The following FGF14 variants were observed in gnomAD, a reference collection of about 807,000 sequenced individuals.
The protein encoded by FGF14 is fibroblast growth factor homologous factor 4.
Under a neutral mutation model 25.5 loss-of-function variants are expected in FGF14, and 5 were observed. The observed-to-expected ratio is 0.20, with a 90% CI of 0.10 to 0.41. The LOEUF (loss-of-function observed/expected upper bound fraction) is 0.41. Among genes scored for constraint, FGF14 ranks in the 10% least tolerant of loss-of-function variants. FGF14 has a pLI of 1.00. For synonymous variants in FGF14, 138 were observed against 118.3 expected (o/e 1.17, Z -1.08); for missense variants, 222 against 320.1 (o/e 0.69, Z 2.34).
intron 1 of FGF14, among the ~76,000 whole-genome samples, chr13:101,988,674 G>A (rs546076499): frequency 7.1e-6 from 1 of 141,174 alleles, no homozygotes; most frequent in East Asian, 2.3e-4. Flanking sequence ...CATGGACACA[G>A]GAAGGGGAAC....
chr13:102,334,260 C>T (rs1408092304), intron 1 of FGF14, among the ~76,000 whole-genome samples: 5 of 152,092 alleles, frequency 3.3e-5, no homozygotes, highest in African/African-American at 1.2e-4. Context: ...TTGATTTGAA[C>T]ATCTGTGGTT....
intron 1 of FGF14, among the ~76,000 whole-genome samples, chr13:102,059,687 C>T (rs2042590562): frequency 6.6e-6 from 1 of 151,950 alleles, no homozygotes; most frequent in Non-Finnish European, 1.5e-5. Flanking sequence ...CACGTCTCTA[C>T]TAAAAATGCA....
chr13:101,996,375 A>T (rs1053327117), intron 1 of FGF14, among the ~76,000 whole-genome samples: 1 of 152,110 alleles, frequency 6.6e-6, no homozygotes, highest in Non-Finnish European at 1.5e-5. Context: ...TATTTTTGGA[A>T]TCAGACTCCA....
At chr13:101,954,236 G>A (rs1331238390) in intron 1 of FGF14, among the ~76,000 whole-genome samples, 11 of 148,388 alleles carry the variant, frequency 7.4e-5, no homozygotes, top group South Asian at 2.2e-4. Flanking sequence ...CTGACCAGGC[G>A]TGACCTTGAC....
intron 1 of FGF14, among the ~76,000 whole-genome samples, chr13:102,203,758 A>G (rs543879759): frequency 8.5e-4 from 129 of 152,242 alleles, no homozygotes; most frequent in Non-Finnish European, 1.6e-3. Flanking sequence ...TACAATCTTC[A>G]TTTTTTTCTT....
intron 1 of FGF14, among the ~76,000 whole-genome samples, chr13:102,354,683 G>A (rs1362367408): frequency 2.0e-5 from 3 of 152,142 alleles, no homozygotes; most frequent in Admixed American, 6.5e-5. Context: ...TGTGTCATGG[G>A]TGTGTCTTTA....
chr13:101,750,172 G>T (rs1441734433), intron 3 of FGF14, among the ~76,000 whole-genome samples: 1 of 152,144 alleles, frequency 6.6e-6, no homozygotes, highest in Non-Finnish European at 1.5e-5. Flanking sequence ...ACAGTTTATA[G>T]TATTTTCGTG....
At chr13:102,010,575 C>T (rs1414463038) in intron 1 of FGF14, among the ~76,000 whole-genome samples, 1 of 152,014 alleles carries the variant, frequency 6.6e-6, no homozygotes, top group Non-Finnish European at 1.5e-5. Context: ...GAACACAATC[C>T]TAGGGAAGTG....
At chr13:102,391,862 A>G (rs2058440485) in intron 1 of FGF14, among the ~76,000 whole-genome samples, 1 of 152,248 alleles carries the variant, frequency 6.6e-6, no homozygotes, top group African/African-American at 2.4e-5. Flanking sequence ...TCTTTGCTTA[A>G]AAGTTACAAC....
chr13:101,869,297 A>C (rs889810921), intron 2 of FGF14, among the ~76,000 whole-genome samples: 4 of 152,186 alleles, frequency 2.6e-5, no homozygotes, highest in African/African-American at 9.6e-5. Flanking sequence ...CGGTGGTAGA[A>C]CCAATATGAT....
chr13:102,326,119 A>T (rs1201830839), intron 1 of FGF14, among the ~76,000 whole-genome samples: 1 of 152,232 alleles, frequency 6.6e-6, no homozygotes, highest in East Asian at 1.9e-4. Context: ...CAAATTTTAA[A>T]GCATAACCTC....
chr13:102,054,512 T>C (rs537847077), intron 1 of FGF14, among the ~76,000 whole-genome samples: 7 of 152,310 alleles, frequency 4.6e-5, no homozygotes, highest in African/African-American at 1.7e-4. Flanking sequence ...GTCCGTTTTC[T>C]TAACCTCTTC....
chr13:102,267,294 T>A (rs1418483346), intron 1 of FGF14, among the ~76,000 whole-genome samples: 1 of 152,170 alleles, frequency 6.6e-6, no homozygotes, highest in Non-Finnish European at 1.5e-5. Flanking sequence ...TCTTTGTGCC[T>A]CCAGCACTGA....
intron 1 of FGF14, among the ~76,000 whole-genome samples, chr13:102,116,966 C>A (rs1449975206): frequency 6.6e-6 from 1 of 152,194 alleles, no homozygotes; most frequent in African/African-American, 2.4e-5. Flanking sequence ...CTGCAGAATG[C>A]AGTCTACCCC....
At chr13:102,047,807 T>C (rs901131890) in intron 1 of FGF14, among the ~76,000 whole-genome samples, 1 of 152,182 alleles carries the variant, frequency 6.6e-6, no homozygotes, top group Non-Finnish European at 1.5e-5. Context: ...TGTGCACATG[T>C]ACCCTAAAAC....
chr13:101,950,735 C>T (rs946046558), intron 1 of FGF14, among the ~76,000 whole-genome samples: 5 of 143,006 alleles, frequency 3.5e-5, no homozygotes, highest in East Asian at 2.1e-4. Flanking sequence ...TCCTATTAAA[C>T]AGAAAACCTA....
chr13:101,822,908 GTAAC>G (rs1469715139), intron 3 of FGF14, among the ~76,000 whole-genome samples: 1 of 151,996 alleles, frequency 6.6e-6, no homozygotes, highest in African/African-American at 2.4e-5. Flanking sequence ...CCAGCCACTG[GTAAC>G]CATCATTCTA....
chr13:102,280,730 G>C (rs1416189948), intron 1 of FGF14, among the ~76,000 whole-genome samples: 2 of 152,142 alleles, frequency 1.3e-5, no homozygotes, highest in Non-Finnish European at 2.9e-5. Flanking sequence ...AAAGAAATAA[G>C]AACAGCTCCA....
chr13:102,038,488 T>G (rs937127401), intron 1 of FGF14, among the ~76,000 whole-genome samples: 1 of 152,250 alleles, frequency 6.6e-6, no homozygotes, highest in East Asian at 1.9e-4. Flanking sequence ...TACCTCTAAT[T>G]TCCTTGATTT....
Sources: gnomAD v4.1 joint callset for allele counts (sites outside exome capture counted in the v4.1 genomes callset) on GRCh38, gnomAD v4.1.1 for gene constraint, MANE v1.5 for transcripts, NCBI Gene and HGNC (gene_info 2026-07-23, HGNC 2026-07-21) for gene names.